Variants in UGT2A3 observed in about 807,000 individuals in gnomAD.
UGT2A3 encodes the protein UDP glucuronosyltransferase family 2 member A3.
Under a neutral mutation model 44.1 loss-of-function variants are expected in UGT2A3, and 55 were observed. The ratio of observed to expected loss-of-function variants is 1.25; its 90% confidence interval spans 1.00 to 1.56. The LOEUF is 1.56. Ranked by LOEUF, UGT2A3 falls within the 40% of genes most tolerant of loss-of-function variation. The probability of loss-of-function intolerance (pLI) is 0.00; values close to 1 mark genes in which losing one functional copy is unlikely to be tolerated. For synonymous variants in UGT2A3, 243 were observed against 215.1 expected, an observed-to-expected ratio of 1.13 and a Z score of -1.13; for missense variants, 733 against 621.6, an observed-to-expected ratio of 1.18 and a Z score of -1.91.
intron 2 of UGT2A3, among the ~76,000 whole-genome samples, chr4:68,940,491 T>C (rs1164829454): frequency 6.6e-6 from 1 of 151,802 alleles, no homozygotes; most frequent in Non-Finnish European, 1.5e-5. Context: ...AGGTAGGAAG[T>C]GAACAATGAG....
intron 2 of UGT2A3, among the ~76,000 whole-genome samples, chr4:68,944,343 G>C (rs190526561): frequency 3.9e-5 from 6 of 151,914 alleles, no homozygotes; most frequent in Admixed American, 3.9e-4. Flanking sequence ...TATCCCGTAA[G>C]AGGTAGATTA....
chr4:68,931,881 C>T (rs114956622), intron 3 of UGT2A3, among the ~76,000 whole-genome samples: 2,280 of 151,902 alleles, frequency 0.015, 65 homozygotes, highest in African/African-American at 0.052. Flanking sequence ...AAACAAAGAA[C>T]GGCATAGATG....
At chr4:68,935,723 A>G (rs2109781950) in intron 2 of UGT2A3, among the ~76,000 whole-genome samples, 1 of 152,164 alleles carries the variant, frequency 6.6e-6, no homozygotes, top group South Asian at 2.1e-4. Context: ...TGATGAGCTG[A>G]CAGAAGTAGA....
chr4:68,932,781 C>T, intron 2 of UGT2A3, 22 bp from the exon 3 acceptor site: 1 of 1,599,452 alleles, frequency 6.3e-7, no homozygotes, highest in Admixed American at 1.8e-5. Context: ...AATTTATCTG[C>T]ATTACAGAGG....
chr4:68,942,016 T>C (rs1718205396), intron 2 of UGT2A3, among the ~76,000 whole-genome samples: 1 of 151,784 alleles, frequency 6.6e-6, no homozygotes, highest in Admixed American at 6.6e-5. Context: ...GAAGATCTTT[T>C]ATAAACTGTT....
chr4:68,931,246 C>G lies in UGT2A3; in HGVS notation c.997-4G>C. On this transcript the variant is annotated splice_polypyrimidine_tract_variant and splice_region_variant and intron_variant, in intron 3 of 5. Transcript: ENST00000251566. ...TTCCTTTGTACCTCCATAACACCTA[C>G]GGAAGAAACACATGTATTTCACAGA... is the stretch of plus-strand genomic sequence containing the variant. The G allele has an allele frequency of 6.2e-7, 1 of 1,609,414 alleles. No individual in the cohort carries two copies. The highest frequency in any genetic ancestry group is 8.5e-7 in the Non-Finnish European group (1 of 1,176,666).
chr4:68,931,128 C>A (rs1037431778), intron 4 of UGT2A3, 27 bp downstream of exon 4: 4 of 1,558,872 alleles, frequency 2.6e-6, no homozygotes, highest in Admixed American at 1.8e-5. Flanking sequence ...TCGTCTAGTT[C>A]ATATTTTTAC....
intron 3 of UGT2A3, 47 bp from the exon 4 acceptor site, chr4:68,931,289 AG>A (rs777813310): frequency 4.2e-6 from 6 of 1,424,592 alleles, no homozygotes; most frequent in Admixed American, 1.7e-5. Context: ...ACAGGATATT[AG>A]CATTCTAAGG....
chr4:68,929,852 T>C lies in UGT2A3; in HGVS notation c.1545A>G (p.Gln515=), dbSNP rs1222638027. 1.9e-6 allele frequency: 3 copies of C among 1,607,282 alleles called. No individual in the cohort carries two copies. The change falls in exon 6 of 6, where the codon CAA becomes CAG. Residue 515 remains glutamine, a synonymous_variant. Coordinates refer to ENST00000251566, the MANE Select transcript of UGT2A3 (RefSeq NM_024743.4). ...CTATCTTTCTAGTTTTATTAAATTT[T>C]TGACAGGAAAATAAAAAACATTTTG... ...LFTKCFLFSC[Q]KFNKTRKIEK... is the part of the protein sequence containing the mutation.
chr4:68,944,905 G>A (rs992508578), intron 2 of UGT2A3, among the ~76,000 whole-genome samples: 1 of 151,458 alleles, frequency 6.6e-6, no homozygotes, highest in South Asian at 2.1e-4. Flanking sequence ...CAACTCCTGT[G>A]GAATATATCC....
chr4:68,939,869 C>T (rs1031932516), intron 2 of UGT2A3, among the ~76,000 whole-genome samples: 16 of 152,196 alleles, frequency 1.1e-4, no homozygotes, highest in Admixed American at 6.5e-5. Context: ...CAAACAACTC[C>T]ATTGAAAAGT....
chr4:68,932,006 A>ATCT (rs1291449225), intron 3 of UGT2A3, among the ~76,000 whole-genome samples: 3 of 151,982 alleles, frequency 2.0e-5, no homozygotes, highest in African/African-American at 7.2e-5. Context: ...AAAATGAAAT[A>ATCT]TCTTTTGGAT....
intron 1 of UGT2A3, among the ~76,000 whole-genome samples, chr4:68,949,108 C>T (rs567676897): frequency 3.4e-4 from 52 of 151,878 alleles, no homozygotes; most frequent in Admixed American, 5.3e-4. Flanking sequence ...CATTAATGTA[C>T]TCATAAGGAA....
intron 1 of UGT2A3, among the ~76,000 whole-genome samples, chr4:68,949,408 T>TA (rs1259303943): frequency 2.6e-5 from 4 of 151,798 alleles, no homozygotes; most frequent in Non-Finnish European, 2.9e-5. Context: ...TGCACAACAT[T>TA]TATAATTAAG....
At chr4:68,942,015 T>C (rs1370005802) in intron 2 of UGT2A3, among the ~76,000 whole-genome samples, 1 of 151,752 alleles carries the variant, frequency 6.6e-6, no homozygotes, top group Non-Finnish European at 1.5e-5. Flanking sequence ...AGAAGATCTT[T>C]TATAAACTGT....
Position 68,951,734 on chromosome 4 carries a change from T to C in UGT2A3, c.27A>G (p.Val9=), listed in dbSNP as rs146289535. Residue 9 remains valine, a synonymous_variant, in exon 1 of 6, where the codon GTA becomes GTG. Coordinates refer to ENST00000251566, the MANE Select transcript of UGT2A3 (RefSeq NM_024743.4). Reference sequence around the variant, plus strand: ...CACAGAAGAGCTGCAGGAGCAGAAATACCAAAGCTGACTTGTCAGACCTCA... The same window carrying C: ...CACAGAAGAGCTGCAGGAGCAGAAACACCAAAGCTGACTTGTCAGACCTCA... MRSDKSAL[V]FLLLQLFCVG... The C allele has an allele frequency of 6.2e-6, 10 of 1,600,420 alleles. No homozygotes were observed. In the African/African-American group the frequency reaches 8.1e-5, roughly 13 times the overall value.
At chr4:68,930,888 G>C in intron 4 of UGT2A3, 123 bp from the exon 5 acceptor site, 1 of 857,678 alleles carries the variant, frequency 1.2e-6, no homozygotes, top group Non-Finnish European at 1.7e-6. Flanking sequence ...TCTTTAGAAG[G>C]TGAGCACATG....
At chr4:68,933,117 T>A (rs1717801412) in intron 2 of UGT2A3, among the ~76,000 whole-genome samples, 1 of 152,056 alleles carries the variant, frequency 6.6e-6, no homozygotes, top group Non-Finnish European at 1.5e-5. Context: ...ATCAGCGAGA[T>A]GGTGGAATAG....
At chr4:68,936,624 C>T (rs1037100117) in intron 2 of UGT2A3, among the ~76,000 whole-genome samples, 1 of 151,976 alleles carries the variant, frequency 6.6e-6, no homozygotes, top group Non-Finnish European at 1.5e-5. Context: ...ATTGTAAAGA[C>T]CATCAATGCT....
Sources: gnomAD v4.1 joint callset for allele counts (sites outside exome capture counted in the v4.1 genomes callset) on GRCh38, gnomAD v4.1.1 for gene constraint, MANE v1.5 for transcripts, NCBI Gene and HGNC (gene_info 2026-07-23, HGNC 2026-07-21) for gene names.